ZBTB11: variants seen among roughly 807,000 people sequenced by gnomAD.
ZBTB11 encodes zinc finger and BTB domain-containing protein 11.
Under a neutral mutation model 113.1 loss-of-function variants are expected in ZBTB11, and 68 were observed. The ratio of observed to expected loss-of-function variants is 0.60; its 90% confidence interval spans 0.49 to 0.74. ZBTB11 has a LOEUF of 0.74. Ranked by LOEUF, ZBTB11 falls within the 30% of genes least tolerant of loss-of-function variation. ZBTB11 has a pLI of 0.00. For missense variants in ZBTB11, 1,104 were observed against 1,279.4 expected, an observed-to-expected ratio of 0.86 and a Z score of 2.09; for synonymous variants, 518 against 452.6, an observed-to-expected ratio of 1.14 and a Z score of -1.83.
chr3:101,654,874 A>C, intron 7 of ZBTB11, 53 bp from the exon 8 acceptor site: 1 of 1,509,342 alleles, frequency 6.6e-7, no homozygotes, highest in Admixed American at 1.8e-5. Context: ...GTCCTCTTTT[A>C]ACAGAATTTT....
intron 8 of ZBTB11, among the ~76,000 whole-genome samples, chr3:101,653,472 T>C (rs551532004): frequency 6.6e-6 from 1 of 152,320 alleles, no homozygotes; most frequent in South Asian, 2.1e-4. Context: ...GCCATTGTCT[T>C]GTCCATATGG....
At chr3:101,668,101 GA>G (rs1937025076) in intron 3 of ZBTB11, among the ~76,000 whole-genome samples, 1 of 150,612 alleles carries the variant, frequency 6.6e-6, no homozygotes, top group Admixed American at 6.6e-5. Flanking sequence ...GTCAAGGACA[GA>G]AAGATAAATA....
chr3:101,652,994 C>T, intron 8 of ZBTB11, 56 bp from the exon 9 acceptor site: 1 of 1,525,586 alleles, frequency 6.6e-7, no homozygotes, highest in Admixed American at 2.2e-5. Flanking sequence ...AAACAAGTTT[C>T]CAAGAACTCA....
Position 101,672,052 on chromosome 3 carries a change from T to C in ZBTB11, c.472A>G (p.Asn158Asp), listed in dbSNP as rs1576653075. 1 of 1,614,192 alleles carries C rather than the reference T, an allele frequency of 6.2e-7. No homozygotes were observed. Among genetic ancestry groups the C allele is most frequent in the Non-Finnish European group, 8.5e-7 (1 of 1,180,018 alleles). ...GCTGTAGTTGGAGATGAAGTAAAGTTGCTCAGGTCATCTTCCGATTCATTA... is the reference window on the plus strand; with the variant it reads ...GCTGTAGTTGGAGATGAAGTAAAGTCGCTCAGGTCATCTTCCGATTCATTA... The part of the protein sequence containing the change: ...ESNESEDDLS[N>D]FTSSPTTASK... The change falls in exon 2 of 11, where the codon AAC (asparagine) becomes GAC (aspartate). Residue 158 changes from asparagine to aspartate, a missense_variant. Physicochemically the swap from Asn to Asp is conservative, Grantham distance 23. Around this residue, in one of 5 missense-constraint regions of ZBTB11, gnomAD observed 245 missense variants for 272.5 expected, o/e 0.90. Coordinates refer to ENST00000312938, the MANE Select transcript of ZBTB11 (RefSeq NM_014415.4).
intron 3 of ZBTB11, among the ~76,000 whole-genome samples, chr3:101,668,326 A>G (rs1576651268): frequency 6.6e-6 from 1 of 152,264 alleles, no homozygotes; most frequent in Admixed American, 6.5e-5. Flanking sequence ...ACAACAGTTT[A>G]TGGTATATGT....
intron 3 of ZBTB11, among the ~76,000 whole-genome samples, chr3:101,666,640 A>T (rs1937001191): frequency 6.6e-6 from 1 of 152,248 alleles, no homozygotes; most frequent in Non-Finnish European, 1.5e-5. Flanking sequence ...ATGAATCAAA[A>T]ATCAGAAAAA....
chr3:101,658,764 T>A (rs1347240840), intron 6 of ZBTB11, among the ~76,000 whole-genome samples: 1 of 151,966 alleles, frequency 6.6e-6, no homozygotes, highest in Non-Finnish European at 1.5e-5. Flanking sequence ...GAGTTGGGGG[T>A]GAGGCATAAA....
At chr3:101,664,910 A>T (rs1936954798) in intron 4 of ZBTB11, 54 bp downstream of exon 4, 1 of 1,552,600 alleles carries the variant, frequency 6.4e-7, no homozygotes, top group East Asian at 2.2e-5. Flanking sequence ...TCATCAATAC[A>T]ATGCTTTCAA....
chr3:101,664,596 C>A lies in ZBTB11; in HGVS notation c.1742G>T (p.Arg581Leu). ...CGECGMVFQR[R>L]YALIMHKLKH... Reference sequence around the variant, plus strand: ...CAGTTTGTGCATTATAAGGGCGTATCGTCTCTGAAAAACCATTCCACATTC... The same window carrying A: ...CAGTTTGTGCATTATAAGGGCGTATAGTCTCTGAAAAACCATTCCACATTC... Residue 581 changes from arginine (R) to leucine (L), a missense_variant, in exon 5 of 11, where the codon CGA becomes CTA. By Grantham distance (102) the Arg-to-Leu change is moderately radical. This residue lies in a region of ZBTB11 where 535 missense variants were observed against 518.6 expected (regional missense o/e 1.03). Transcript: ENST00000312938. 6 of 1,613,752 alleles carry A rather than the reference C, an allele frequency of 3.7e-6. No individual in the cohort carries two copies. The highest frequency in any genetic ancestry group is 5.1e-6 in the Non-Finnish European group (6 of 1,179,902).
At chr3:101,674,696 CAATAAATAAATAAATAAAATA>C (rs1559989483) in intron 1 of ZBTB11, among the ~76,000 whole-genome samples, 1 of 144,008 alleles carries the variant, frequency 6.9e-6, no homozygotes, top group East Asian at 2.1e-4. Context: ...GACTCTGTCT[CAATAAATAAATAAATAAAATA>C]AATAAATAAA....
chr3:101,657,151 A>C lies in ZBTB11; in HGVS notation c.2047-903T>G, dbSNP rs551011159. ...GCAAGAATCAGTCTCAAAAAAAAAA[A>C]AAAAACAAAAAACCCATAAATTTAC... is the stretch of plus-strand genomic sequence containing the variant. On this transcript the variant is annotated intron_variant, in intron 6 of 10. Transcript: ENST00000312938. Among the ~76,000 whole-genome samples the C allele has an allele frequency of 7.3e-4, 110 of 150,954 alleles. 1 individual carries two copies. The highest frequency in any genetic ancestry group is 2.4e-3 in the African/African-American group (99 of 41,210).
rs745331997 is a variant in ZBTB11 at position 101,676,801 on chromosome 3, G to A, written c.114C>T (p.Ala38=). ...NVKRKIRKAA[A]CYVVRGGTLY... ...GAGTCCCGCCGCGCACCACGTAGCA[G>A]GCGGCAGCTTTTCGGATTTTACGCT... The change falls in exon 1 of 11, where the codon GCC becomes GCT. Residue 38 remains alanine, a synonymous_variant. Transcript: ENST00000312938. 3.7e-6 allele frequency: 6 copies of A among 1,612,298 alleles called. No homozygotes were observed. In the East Asian group the frequency reaches 6.7e-5, roughly 18 times the overall value.
chr3:101,651,235 C>A lies in ZBTB11; in HGVS notation c.3093G>T (p.Lys1031Asn). 2 of 1,613,452 alleles carry A rather than the reference C, an allele frequency of 1.2e-6. No homozygotes were observed. Among genetic ancestry groups the A allele is most frequent in the Non-Finnish European group, 1.7e-6 (2 of 1,179,800 alleles). ...GAATAGCTTCTGCAACTTCAGATAGCTTCTGTCCTTGCTGTTGTGCTAATA... is the reference window on the plus strand; with the variant it reads ...GAATAGCTTCTGCAACTTCAGATAGATTCTGTCCTTGCTGTTGTGCTAATA... The part of the protein sequence containing the change: ...NYVLAQQQGQ[K>N]LSEVAEAIQT... The change falls in exon 11 of 11, where the codon AAG becomes AAT. Residue 1031 changes from lysine (K) to asparagine (N), a missense_variant. Lys to Asn is a moderately conservative substitution (Grantham distance 94). Coordinates refer to ENST00000312938, the MANE Select transcript of ZBTB11 (RefSeq NM_014415.4).
At chr3:101,675,317 G>A (rs1240861823) in intron 1 of ZBTB11, among the ~76,000 whole-genome samples, 1 of 152,172 alleles carries the variant, frequency 6.6e-6, no homozygotes, top group South Asian at 2.1e-4. Context: ...TGTCCTTACA[G>A]GAATTTAATT....
intron 3 of ZBTB11, among the ~76,000 whole-genome samples, chr3:101,667,497 T>G (rs1222877728): frequency 6.6e-6 from 1 of 152,216 alleles, no homozygotes; most frequent in African/African-American, 2.4e-5. Flanking sequence ...ACTCAAGGTA[T>G]GTAAAGTGTG....
At chr3:101,655,129 G>A (rs1037970697) in intron 7 of ZBTB11, among the ~76,000 whole-genome samples, 3 of 152,174 alleles carry the variant, frequency 2.0e-5, no homozygotes, top group Admixed American at 6.5e-5. Context: ...ACCCGCCTTG[G>A]CCTCTCAAAG....
At chr3:101,663,444 T>C (rs1186907007) in intron 5 of ZBTB11, among the ~76,000 whole-genome samples, 1 of 152,244 alleles carries the variant, frequency 6.6e-6, no homozygotes, top group Non-Finnish European at 1.5e-5. Flanking sequence ...CAGAATAAGA[T>C]ATTAAAAAAT....
chr3:101,658,520 G>A (rs988243617), intron 6 of ZBTB11, among the ~76,000 whole-genome samples: 2 of 151,748 alleles, frequency 1.3e-5, no homozygotes, highest in Non-Finnish European at 1.5e-5. Context: ...CACTGTACCC[G>A]GCCAATTAAT....
At chr3:101,666,268 T>C (rs1335965886) in intron 3 of ZBTB11, among the ~76,000 whole-genome samples, 2 of 152,294 alleles carry the variant, frequency 1.3e-5, no homozygotes, top group East Asian at 1.9e-4. Context: ...AAGTATTCTA[T>C]GACTAAAAGT....
Sources: allele counts gnomAD v4.1 joint callset (sites outside exome capture counted in the v4.1 genomes callset), GRCh38; gene constraint gnomAD v4.1.1; regional missense constraint gnomAD v4.1.1; transcripts MANE v1.5; gene names NCBI Gene and HGNC (gene_info 2026-07-23, HGNC 2026-07-21).